DCDC2: variants seen among roughly 807,000 people sequenced by gnomAD.
DCDC2 encodes the protein doublecortin domain containing 2, also known as doublecortin domain-containing protein 2.
Under a neutral mutation model 50.2 loss-of-function variants are expected in DCDC2, and 40 were observed. The observed-to-expected ratio is 0.80, with a 90% confidence interval of 0.62 to 1.04. The LOEUF (loss-of-function observed/expected upper bound fraction) is 1.04, where lower values mean the gene tolerates loss of function less well. DCDC2 is among the 50% of genes least tolerant of loss of function. The pLI, the probability that DCDC2 is intolerant of heterozygous loss-of-function variation, is 0.00. For synonymous variants in DCDC2, 234 were observed against 210.6 expected, an observed-to-expected ratio of 1.11 and a Z score of -0.96; for missense variants, 570 against 581.9, an observed-to-expected ratio of 0.98 and a Z score of 0.21.
chr6:24,302,294 G>GGAAA (rs1554117694), intron 2 of DCDC2, among the ~76,000 whole-genome samples: 1 of 138,712 alleles, frequency 7.2e-6, no homozygotes, highest in African/African-American at 2.7e-5. Flanking sequence ...ATGATCTGTG[G>GGAAA]AAAAAAAAAA....
At chr6:24,359,677 A>C (rs902309558), upstream of DCDC2, among the ~76,000 whole-genome samples, 2 of 148,598 alleles carry the variant, frequency 1.3e-5, no homozygotes, top group Non-Finnish European at 3.0e-5. Flanking sequence ...CAGGAGGCTC[A>C]CTTGAGCCCG....
intron 2 of DCDC2, among the ~76,000 whole-genome samples, chr6:24,306,529 G>A (rs184003273): frequency 2.1e-5 from 3 of 142,632 alleles, no homozygotes; most frequent in Non-Finnish European, 4.6e-5. Context: ...TAGATAGATA[G>A]ATAGATAGAT....
At chr6:24,222,358 C>T (rs1272972871) in intron 7 of DCDC2, among the ~76,000 whole-genome samples, 2 of 152,148 alleles carry the variant, frequency 1.3e-5, no homozygotes, top group Non-Finnish European at 2.9e-5. Flanking sequence ...TTAAAAACTG[C>T]AAACTATTAT....
Position 24,278,652 on chromosome 6 carries a change from C to T in DCDC2, c.760-441G>A, listed in dbSNP as rs375667270. On this transcript the variant is annotated intron_variant, in intron 6 of 9. Transcript: ENST00000378454. ...GCTGCCTCCAAAACCACTGTAAATC[C>T]ACTGCCTTAACAATCCTCTCACTCC... Among the ~76,000 whole-genome samples the T allele has an allele frequency of 5.2e-4, 79 of 152,258 alleles. 2 individuals carry two copies. In the South Asian group the frequency reaches 0.015, roughly 29 times the overall value.
At chr6:24,347,525 T>C (rs975287703) in intron 2 of DCDC2, among the ~76,000 whole-genome samples, 1 of 152,210 alleles carries the variant, frequency 6.6e-6, no homozygotes, top group Non-Finnish European at 1.5e-5. Context: ...ACTATTTACA[T>C]AGCATTTACA....
At chr6:24,313,464 C>T (rs1314714196) in intron 2 of DCDC2, among the ~76,000 whole-genome samples, 1 of 152,070 alleles carries the variant, frequency 6.6e-6, no homozygotes, top group Non-Finnish European at 1.5e-5. Flanking sequence ...TAGATTTCAC[C>T]ATTGCCATTT....
intron 2 of DCDC2, among the ~76,000 whole-genome samples, chr6:24,316,202 A>C (rs1759657236): frequency 6.6e-6 from 1 of 152,168 alleles, no homozygotes; most frequent in Non-Finnish European, 1.5e-5. Flanking sequence ...TCAGGGCTAG[A>C]GACACAGATG....
chr6:24,251,269 A>G (rs1762787817), intron 7 of DCDC2, among the ~76,000 whole-genome samples: 1 of 152,228 alleles, frequency 6.6e-6, no homozygotes, highest in Non-Finnish European at 1.5e-5. Context: ...CATGAAGAAT[A>G]GCTTACTCCT....
intron 2 of DCDC2, among the ~76,000 whole-genome samples, chr6:24,348,315 G>A (rs1438598934): frequency 1.3e-5 from 2 of 152,196 alleles, no homozygotes; most frequent in Non-Finnish European, 2.9e-5. Flanking sequence ...ACCAGGGGTT[G>A]TATGAGATAA....
chr6:24,229,672 G>A (rs1762298697), intron 7 of DCDC2, among the ~76,000 whole-genome samples: 1 of 152,198 alleles, frequency 6.6e-6, no homozygotes, highest in Admixed American at 6.5e-5. Flanking sequence ...CCTTCAGAAT[G>A]CTCAAATTCT....
intron 7 of DCDC2, among the ~76,000 whole-genome samples, chr6:24,274,203 T>C (rs1447805075): frequency 6.6e-6 from 1 of 152,258 alleles, no homozygotes; most frequent in Non-Finnish European, 1.5e-5. Flanking sequence ...CTAAATTCAC[T>C]ATACTTCTTG....
At chr6:24,242,145 G>C (rs1762575174) in intron 7 of DCDC2, among the ~76,000 whole-genome samples, 1 of 152,200 alleles carries the variant, frequency 6.6e-6, no homozygotes, top group Non-Finnish European at 1.5e-5. Context: ...CTGCACTCCA[G>C]CCTAGGTGAC....
At chr6:24,353,453 T>G in intron 2 of DCDC2, 116 bp downstream of exon 2, 1 of 680,544 alleles carries the variant, frequency 1.5e-6, no homozygotes, top group Non-Finnish European at 2.7e-6. Context: ...TAATGTTCCA[T>G]TTCTTTACAT....
intron 7 of DCDC2, among the ~76,000 whole-genome samples, chr6:24,262,128 C>T (rs577340984): frequency 6.7e-6 from 1 of 149,406 alleles, no homozygotes; most frequent in East Asian, 2.0e-4. Context: ...ACCCCACCCC[C>T]GTCCCCCAGC....
At chr6:24,257,759 T>C (rs917839984) in intron 7 of DCDC2, among the ~76,000 whole-genome samples, 2 of 151,098 alleles carry the variant, frequency 1.3e-5, no homozygotes, top group African/African-American at 2.4e-5. Context: ...AAAAGTTTTG[T>C]GTTTTTAGAG....
chr6:24,332,672 A>G (rs534207938), intron 2 of DCDC2, among the ~76,000 whole-genome samples: 1 of 152,304 alleles, frequency 6.6e-6, no homozygotes, highest in Non-Finnish European at 1.5e-5. Context: ...TAATTGGAAC[A>G]GTTTGTTTGT....
intron 2 of DCDC2, among the ~76,000 whole-genome samples, chr6:24,319,134 T>A (rs1759727076): frequency 6.6e-6 from 1 of 152,168 alleles, no homozygotes. Context: ...CTGACTGGTA[T>A]AAGATGATAT....
chr6:24,246,315 A>G (rs1418506308), intron 7 of DCDC2, among the ~76,000 whole-genome samples: 1 of 152,150 alleles, frequency 6.6e-6, no homozygotes, highest in Non-Finnish European at 1.5e-5. Flanking sequence ...TTATTTTTAA[A>G]AAATGTCTAT....
upstream of DCDC2, among the ~76,000 whole-genome samples, chr6:24,358,986 T>TATTTTATAC (rs1561788718): frequency 1.6e-3 from 126 of 79,934 alleles, no homozygotes; most frequent in African/African-American, 5.6e-3. Context: ...ATACATTATA[T>TATTTTATAC]ATTATATATT....
Sources: gnomAD v4.1 joint callset for allele counts (sites outside exome capture counted in the v4.1 genomes callset) on GRCh38, gnomAD v4.1.1 for gene constraint, MANE v1.5 for transcripts, NCBI Gene and HGNC (gene_info 2026-07-23, HGNC 2026-07-21) for gene names.